Variants in PLCB1 observed in about 807,000 individuals in gnomAD.
PLCB1 encodes the protein 1-phosphatidylinositol 4,5-bisphosphate phosphodiesterase beta-1.
PLCB1 carries 46 observed loss-of-function variants against 161.8 expected under a neutral mutation model. That is an observed-to-expected ratio of 0.28 (90% confidence interval 0.22 to 0.36). The LOEUF (loss-of-function observed/expected upper bound fraction) is 0.36. Among genes scored for constraint, PLCB1 ranks in the 10% least tolerant of loss-of-function variants. The probability of loss-of-function intolerance (pLI) is 1.00; values close to 1 mark genes in which losing one functional copy is unlikely to be tolerated. For missense variants in PLCB1, 1,016 were observed against 1,472.5 expected (o/e 0.69, Z 5.07); for synonymous variants, 517 against 503.7 (o/e 1.03, Z -0.35).
chr20:8,323,424 T>G (rs1177231909), intron 2 of PLCB1, among the ~76,000 whole-genome samples: 1 of 152,140 alleles, frequency 6.6e-6, no homozygotes, highest in East Asian at 1.9e-4. Flanking sequence ...AGAGGATGCC[T>G]GGGGCTAGAG....
intron 29 of PLCB1, among the ~76,000 whole-genome samples, chr20:8,789,244 TG>T (rs1010081093): frequency 6.6e-6 from 1 of 152,164 alleles, no homozygotes; most frequent in Non-Finnish European, 1.5e-5. Flanking sequence ...CTGGGTGTGG[TG>T]GTGCACACCT....
chr20:8,787,243 T>G (rs1243581675), intron 27 of PLCB1, among the ~76,000 whole-genome samples: 1 of 152,154 alleles, frequency 6.6e-6, no homozygotes, highest in African/African-American at 2.4e-5. Context: ...CCTTGCAGAT[T>G]GAATTCCAAG....
intron 2 of PLCB1, among the ~76,000 whole-genome samples, chr20:8,246,641 G>A (rs1980894357): frequency 6.6e-6 from 1 of 151,946 alleles, no homozygotes. Context: ...AGTGTAGGAA[G>A]CAAAGCAAAA....
intron 3 of PLCB1, among the ~76,000 whole-genome samples, chr20:8,580,301 G>A (rs1477503976): frequency 6.6e-6 from 1 of 152,138 alleles, no homozygotes; most frequent in Non-Finnish European, 1.5e-5. Flanking sequence ...ATATATTACT[G>A]TTCTTAGAGA....
Position 8,357,294 on chromosome 20 carries a change from C to G in PLCB1, c.178-14088C>G, listed in dbSNP as rs778198117. On this transcript the variant is annotated intron_variant, in intron 2 of 31. Transcript: ENST00000338037. ...TCTTTTTTGAAAGTCTGGGGCTACC[C>G]GGAATCAGCATATAGGACCCAACTT... is the stretch of plus-strand genomic sequence containing the variant. Among the ~76,000 whole-genome samples, 3 of 152,166 alleles carry G rather than the reference C, an allele frequency of 2.0e-5. No individual in the cohort carries two copies. In the South Asian group the frequency reaches 6.2e-4, roughly 32 times the overall value.
intron 2 of PLCB1, among the ~76,000 whole-genome samples, chr20:8,271,329 A>G (rs1302734466): frequency 3.9e-5 from 6 of 152,094 alleles, no homozygotes; most frequent in Non-Finnish European, 1.5e-5. Context: ...ATATGATTGA[A>G]ATTGTTGGCC....
At chr20:8,577,335 G>C (rs1344510759) in intron 3 of PLCB1, among the ~76,000 whole-genome samples, 1 of 151,264 alleles carries the variant, frequency 6.6e-6, no homozygotes, top group Non-Finnish European at 1.5e-5. Flanking sequence ...CTACTCCGGA[G>C]GCTGAGGCAG....
At chr20:8,626,247 C>T (rs1414889566) in intron 3 of PLCB1, among the ~76,000 whole-genome samples, 2 of 151,176 alleles carry the variant, frequency 1.3e-5, no homozygotes, top group African/African-American at 4.9e-5. Context: ...ACAAAGATTT[C>T]AGAGAGTTGG....
chr20:8,765,252 A>G lies in PLCB1; in HGVS notation c.2824A>G (p.Thr942Ala). The change falls in exon 26 of 32, where the codon ACT (threonine) becomes GCT (alanine). Residue 942 changes from threonine (T) to alanine (A), a missense_variant. Physicochemically the swap from Thr to Ala is moderately conservative, Grantham distance 58 (BLOSUM62 0). Coordinates refer to ENST00000338037, the MANE Select transcript of PLCB1 (RefSeq NM_015192.4). ...GGTTAAGAGACACCACAAGAAAACC[A>G]CTGACCTTATCAAAGAACACACTAC... Reference protein sequence around the residue: ...DLVKRHHKKTTDLIKEHTTKY... With the variant: ...DLVKRHHKKTADLIKEHTTKY... 1 of 1,613,960 alleles carries G rather than the reference A, an allele frequency of 6.2e-7. No individual in the cohort carries two copies. The highest frequency in any genetic ancestry group is 1.6e-4 in the Middle Eastern group (1 of 6,062).
intron 3 of PLCB1, among the ~76,000 whole-genome samples, chr20:8,387,084 C>T (rs969840379): frequency 2.0e-5 from 3 of 152,168 alleles, no homozygotes; most frequent in African/African-American, 7.2e-5. Flanking sequence ...GTTTGCTTTG[C>T]TTTCTTATCA....
intron 3 of PLCB1, among the ~76,000 whole-genome samples, chr20:8,405,638 C>A (rs1978753471): frequency 6.6e-6 from 1 of 152,148 alleles, no homozygotes; most frequent in Non-Finnish European, 1.5e-5. Context: ...AAATCAAAGC[C>A]AGCTGAAACC....
At chr20:8,821,118 T>C (rs1252352552) in intron 31 of PLCB1, among the ~76,000 whole-genome samples, 2 of 152,098 alleles carry the variant, frequency 1.3e-5, no homozygotes, top group African/African-American at 4.8e-5. Flanking sequence ...CCCTCTTTTA[T>C]ATGTACTCAA....
intron 3 of PLCB1, among the ~76,000 whole-genome samples, chr20:8,625,941 GCT>G (rs1449672020): frequency 6.6e-6 from 1 of 152,014 alleles, no homozygotes; most frequent in Non-Finnish European, 1.5e-5. Context: ...ACTTTGGGAG[GCT>G]GAGGTAGGTG....
At chr20:8,174,108 A>T (rs954624730) in intron 2 of PLCB1, among the ~76,000 whole-genome samples, 2 of 152,196 alleles carry the variant, frequency 1.3e-5, no homozygotes, top group African/African-American at 4.8e-5. Context: ...AATGTCCCAA[A>T]TTTGGCAGAA....
At chr20:8,570,498 C>T (rs559087776) in intron 3 of PLCB1, among the ~76,000 whole-genome samples, 1 of 152,126 alleles carries the variant, frequency 6.6e-6, no homozygotes, top group African/African-American at 2.4e-5. Context: ...GCACTTACCA[C>T]GCTGATTAAT....
chr20:8,672,173 C>A (rs758008233), intron 9 of PLCB1, among the ~76,000 whole-genome samples: 8 of 152,122 alleles, frequency 5.3e-5, no homozygotes, highest in Non-Finnish European at 1.2e-4. Flanking sequence ...GCAACCTTAT[C>A]TTTGCTTGGG....
chr20:8,842,231 G>A (rs1039447810), intron 31 of PLCB1, among the ~76,000 whole-genome samples: 14 of 152,116 alleles, frequency 9.2e-5, no homozygotes, highest in East Asian at 3.9e-4. Flanking sequence ...CATAGAAAGC[G>A]CATGATATTT....
At chr20:8,547,305 T>G (rs1405684623) in intron 3 of PLCB1, among the ~76,000 whole-genome samples, 1 of 152,208 alleles carries the variant, frequency 6.6e-6, no homozygotes, top group Non-Finnish European at 1.5e-5. Flanking sequence ...TTATGGCATT[T>G]TCAGATATGG....
chr20:8,151,157 T>C (rs574720031), intron 2 of PLCB1, among the ~76,000 whole-genome samples: 110 of 152,244 alleles, frequency 7.2e-4, no homozygotes, highest in African/African-American at 2.4e-3. Flanking sequence ...TTTTGATATA[T>C]GGAGAAATGG....
Sources: allele counts gnomAD v4.1 joint callset (sites outside exome capture counted in the v4.1 genomes callset), GRCh38; gene constraint gnomAD v4.1.1; transcripts MANE v1.5; gene names NCBI Gene and HGNC (gene_info 2026-07-23, HGNC 2026-07-21).